Variants in DDX46 observed in about 807,000 individuals in gnomAD.
DDX46 encodes the protein DEAD-box helicase 46.
In DDX46, 30 loss-of-function variants were observed where a neutral mutation model predicts 134.9. That is an observed-to-expected ratio of 0.22 (90% CI 0.17 to 0.30). The LOEUF is 0.30. Among genes scored for constraint, DDX46 ranks in the 10% least tolerant of loss-of-function variants. DDX46 has a pLI of 1.00. For missense variants in DDX46, 622 were observed against 1,248.7 expected (o/e 0.50, Z 7.56); for synonymous variants, 415 against 404.1 (o/e 1.03, Z -0.32).
chr5:134,812,697 C>T (rs1349825880), intron 18 of DDX46, among the ~76,000 whole-genome samples: 5 of 149,188 alleles, frequency 3.4e-5, no homozygotes, highest in African/African-American at 5.2e-5. Context: ...ACTGCAGTGT[C>T]GTAATCTCAG....
intron 13 of DDX46, 37 bp downstream of exon 13, chr5:134,790,589 A>C (rs1754470956): frequency 6.4e-7 from 1 of 1,551,452 alleles, no homozygotes; most frequent in African/African-American, 1.4e-5. Flanking sequence ...TGAAATGTAA[A>C]TATAACTTTG....
intron 13 of DDX46, among the ~76,000 whole-genome samples, chr5:134,792,662 A>G (rs1215708153): frequency 6.6e-6 from 1 of 152,214 alleles, no homozygotes; most frequent in African/African-American, 2.4e-5. Context: ...AACATTTTCC[A>G]TTGAAAGGCA....
intron 15 of DDX46, among the ~76,000 whole-genome samples, chr5:134,805,833 C>G (rs368193351): frequency 7.4e-4 from 112 of 152,266 alleles, no homozygotes; most frequent in African/African-American, 2.4e-3. Context: ...CCCCCAGCCT[C>G]TCTGTTCTAA....
chr5:134,775,157 GTTACCCA>G (rs1025716750), intron 5 of DDX46, among the ~76,000 whole-genome samples: 8 of 152,058 alleles, frequency 5.3e-5, no homozygotes, highest in African/African-American at 1.9e-4. Context: ...GTCTCGATAT[GTTACCCA>G]GCTAGTCTTG....
chr5:134,778,074 A>G (rs1339441807), intron 6 of DDX46, among the ~76,000 whole-genome samples: 1 of 145,460 alleles, frequency 6.9e-6, no homozygotes, highest in Non-Finnish European at 1.5e-5. Context: ...GCTGGAGTGC[A>G]ATGGTGTGAT....
chr5:134,797,944 C>G (rs1034538866), intron 15 of DDX46, among the ~76,000 whole-genome samples: 11 of 151,994 alleles, frequency 7.2e-5, no homozygotes, highest in Non-Finnish European at 8.8e-5. Context: ...TCCCCAGTAG[C>G]TGGGATTACA....
intron 15 of DDX46, among the ~76,000 whole-genome samples, chr5:134,796,399 C>CTT (rs1464005853): frequency 1.3e-5 from 2 of 152,186 alleles, no homozygotes; most frequent in Admixed American, 1.3e-4. Flanking sequence ...TTGAATTTAA[C>CTT]TTTTCTCTGT....
chr5:134,769,328 T>G (rs1172157947), intron 3 of DDX46, among the ~76,000 whole-genome samples: 3 of 84,214 alleles, frequency 3.6e-5, no homozygotes, highest in Admixed American at 1.0e-4. Context: ...ATTTTCAAGG[T>G]TTTTTTTTTT....
At chr5:134,796,208 G>C in intron 15 of DDX46, 58 bp downstream of exon 15, 1 of 1,569,112 alleles carries the variant, frequency 6.4e-7, no homozygotes. Context: ...CAAGCATTGT[G>C]CTGTGTTCTC....
Position 134,769,445 on chromosome 5 carries a change from C to T in DDX46, c.351-1458C>T, listed in dbSNP as rs568095781. 2.0e-3 allele frequency among the ~76,000 whole-genome samples: 299 copies of T among 150,778 alleles called. 1 individual carries two copies. The highest frequency in any genetic ancestry group is 3.1e-3 in the Non-Finnish European group (212 of 67,792). Reference sequence around the variant, plus strand: ...TCCCTGGTTCAGGCTATTCTCCTGCCTCAGCCTCCTGAATAGCTGAGATTA... The same window carrying T: ...TCCCTGGTTCAGGCTATTCTCCTGCTTCAGCCTCCTGAATAGCTGAGATTA... On this transcript the variant is annotated intron_variant, in intron 3 of 22. Coordinates refer to ENST00000452510, the MANE Select transcript of DDX46 (RefSeq NM_001300860.2).
chr5:134,822,380 T>A (rs967283994), intron 21 of DDX46, among the ~76,000 whole-genome samples: 1 of 152,148 alleles, frequency 6.6e-6, no homozygotes, highest in Admixed American at 6.6e-5. Context: ...TCACTCAGGC[T>A]GGAGTGCAAA....
At chr5:134,759,038 G>T (rs1753292869) in intron 1 of DDX46, 83 bp downstream of exon 1, 6 of 1,575,070 alleles carry the variant, frequency 3.8e-6, no homozygotes, top group Non-Finnish European at 5.1e-6. Flanking sequence ...TGGCCGCCGG[G>T]CCAGGCCTGG....
chr5:134,814,309 A>G (rs989785862), intron 18 of DDX46, among the ~76,000 whole-genome samples: 4 of 152,186 alleles, frequency 2.6e-5, no homozygotes, highest in Non-Finnish European at 4.4e-5. Context: ...CCATGTGTAA[A>G]GGGAAAACTG....
chr5:134,804,020 C>T (rs149219179), intron 15 of DDX46, among the ~76,000 whole-genome samples: 87 of 149,680 alleles, frequency 5.8e-4, no homozygotes, highest in Middle Eastern at 7.1e-3. Context: ...GCATCCTCGA[C>T]CTCCAGGGCT....
chr5:134,785,511 A>G lies in DDX46; in HGVS notation c.1389A>G (p.Lys463=), dbSNP rs1561860641. The change falls in exon 11 of 23, where the codon AAA becomes AAG. Residue 463 remains lysine (K), a synonymous_variant. Coordinates refer to ENST00000452510, the MANE Select transcript of DDX46 (RefSeq NM_001300860.2). ...PTRELALQIT[K]ECKKFSKTLG... Reference sequence around the variant, plus strand: ...GAGAACTGGCTTTACAGATTACTAAAGAGTGTAAGAAGTTTTCCAAGACTT... The same window carrying G: ...GAGAACTGGCTTTACAGATTACTAAGGAGTGTAAGAAGTTTTCCAAGACTT... 2.5e-6 allele frequency: 4 copies of G among 1,613,964 alleles called. No homozygotes were observed. The highest frequency in any genetic ancestry group is 2.5e-6 in the Non-Finnish European group (3 of 1,179,940).
At chr5:134,767,955 A>G (rs1218579671) in intron 3 of DDX46, among the ~76,000 whole-genome samples, 2 of 151,818 alleles carry the variant, frequency 1.3e-5, no homozygotes, top group Non-Finnish European at 2.9e-5. Context: ...CTTCTCAAAA[A>G]AAAAAAACAA....
intron 12 of DDX46, 115 bp downstream of exon 12, chr5:134,788,706 T>G: frequency 3.1e-4 from 261 of 834,768 alleles, no homozygotes; most frequent in Middle Eastern, 7.7e-4. Context: ...AAAGCTGCAG[T>G]ATCTTAAAAT....
chr5:134,818,709 A>T (rs1185573783), intron 20 of DDX46, 151 bp from the exon 21 acceptor site: 2 of 249,504 alleles, frequency 8.0e-6, no homozygotes, highest in Non-Finnish European at 1.4e-5. Context: ...GTCTCAAAAG[A>T]AAAAAAAAAA....
chr5:134,767,123 T>C (rs371571113), intron 3 of DDX46, 63 bp downstream of exon 3: 2 of 313,850 alleles, frequency 6.4e-6, no homozygotes, highest in Admixed American at 1.2e-4. Flanking sequence ...TCTCTGCGCC[T>C]TTTTTTTTTT....
Sources: gnomAD v4.1 joint callset for allele counts (sites outside exome capture counted in the v4.1 genomes callset) on GRCh38, gnomAD v4.1.1 for gene constraint, MANE v1.5 for transcripts, NCBI Gene and HGNC (gene_info 2026-07-23, HGNC 2026-07-21) for gene names.